CYRIB: variants seen among roughly 807,000 people sequenced by gnomAD.
CYRIB encodes the protein CYFIP related Rac1 interactor B.
CYRIB carries 8 observed loss-of-function variants against 44.2 expected under a neutral mutation model. The ratio of observed to expected loss-of-function variants is 0.18; its 90% CI spans 0.11 to 0.33. The LOEUF (loss-of-function observed/expected upper bound fraction) is 0.33. Among genes scored for constraint, CYRIB ranks in the 10% least tolerant of loss-of-function variants. The pLI, the probability that CYRIB is intolerant of heterozygous loss-of-function variation, is 1.00. For synonymous variants in CYRIB, 131 were observed against 127.2 expected (o/e 1.03, Z -0.20); for missense variants, 185 against 382.8 (o/e 0.48, Z 4.31).
At chr8:129,944,774 C>CTCA (rs1467215378), upstream of CYRIB, among the ~76,000 whole-genome samples, 1 of 151,006 alleles carries the variant, frequency 6.6e-6, no homozygotes, top group Non-Finnish European at 1.5e-5. Context: ...CGCAGTAAGA[C>CTCA]TCTGTCTCAA....
chr8:129,895,140 G>T (rs1588970316), intron 2 of CYRIB, among the ~76,000 whole-genome samples: 1 of 120,030 alleles, frequency 8.3e-6, no homozygotes, highest in Non-Finnish European at 1.8e-5. Flanking sequence ...GGGTGGGGGT[G>T]GGGGCAGGGG....
At chr8:129,864,080 G>C (rs897702818) in intron 4 of CYRIB, among the ~76,000 whole-genome samples, 2 of 152,194 alleles carry the variant, frequency 1.3e-5, no homozygotes, top group Non-Finnish European at 2.9e-5. Context: ...CAAATTAGCT[G>C]CAAACTGAAT....
At chr8:129,930,386 T>TATATATATA (rs1338007307) in intron 1 of CYRIB, among the ~76,000 whole-genome samples, 79 of 130,762 alleles carry the variant, frequency 6.0e-4, no homozygotes, top group Non-Finnish European at 9.7e-4. Context: ...TATATTTTAA[T>TATATATATA]TATTTAAATC....
chr8:130,002,872 A>G (rs1415541363), intron 1 of CYRIB, among the ~76,000 whole-genome samples: 2 of 152,194 alleles, frequency 1.3e-5, no homozygotes, highest in Non-Finnish European at 2.9e-5. Context: ...CCAAGCGAGG[A>G]GGGTGGCTTG....
intron 1 of CYRIB, among the ~76,000 whole-genome samples, chr8:130,012,988 T>C (rs969911028): frequency 6.6e-6 from 1 of 152,104 alleles, no homozygotes; most frequent in Non-Finnish European, 1.5e-5. Flanking sequence ...AGTATCCCCT[T>C]TAGGGAAGAG....
intron 2 of CYRIB, among the ~76,000 whole-genome samples, chr8:129,969,977 G>C (rs765767758): frequency 5.9e-5 from 9 of 152,200 alleles, no homozygotes; most frequent in Non-Finnish European, 1.2e-4. Context: ...CAAGGTGGAA[G>C]CATGAATCTA....
In CYRIB at chr8:129,919,899, C is replaced by T. The variant is rs542427088; in HGVS notation, c.-49-16549G>A. Reference sequence around the variant, plus strand: ...CAACTCCAAGAATTCAGAAGAACACCGGGTAAGATTTTTCAGTCCTAATAA... The same window carrying T: ...CAACTCCAAGAATTCAGAAGAACACTGGGTAAGATTTTTCAGTCCTAATAA... On this transcript the variant is annotated intron_variant, in intron 1 of 11. Transcript: ENST00000519824. 1.6e-4 allele frequency among the ~76,000 whole-genome samples: 25 copies of T among 152,040 alleles called. No individual in the cohort carries two copies. In the South Asian group the frequency reaches 5.0e-3, roughly 30 times the overall value.
chr8:129,904,232 G>A lies in CYRIB; in HGVS notation c.-49-882C>T, dbSNP rs182539173. Among the ~76,000 whole-genome samples, 428 of 152,198 alleles carry A rather than the reference G, an allele frequency of 2.8e-3. 2 individuals are homozygous for A. Among genetic ancestry groups the A allele is most frequent in the Admixed American group, 0.022 (342 of 15,278 alleles). On this transcript the variant is annotated intron_variant, in intron 1 of 11. Transcript: ENST00000519824. ...CACTCTAGCTGAGGTACCTCCTCCT[G>A]ATTGTACTATCTGTGGTTCACTTTC...
chr8:129,939,374 G>A (rs965095131), intron 1 of CYRIB, among the ~76,000 whole-genome samples: 2 of 151,618 alleles, frequency 1.3e-5, no homozygotes, highest in South Asian at 2.1e-4. Flanking sequence ...GGGGGCGGAA[G>A]AAAGGAAGAC....
intron 1 of CYRIB, among the ~76,000 whole-genome samples, chr8:129,909,903 C>T (rs1211157061): frequency 1.3e-5 from 2 of 152,172 alleles, no homozygotes; most frequent in African/African-American, 4.8e-5. Context: ...CATACCTAAG[C>T]CAGTGCCAGG....
chr8:129,937,710 C>T (rs1347170301), intron 1 of CYRIB, among the ~76,000 whole-genome samples: 1 of 152,210 alleles, frequency 6.6e-6, no homozygotes. Context: ...CAACCACTTT[C>T]TTGGGAGACA....
Position 129,852,284 on chromosome 8 carries a change from G to A in CYRIB, c.517-6C>T. ...ACTTCATTTTCTCCTTCTGCCTGTG[G>A]GGAAGGTAAAAGCACTGGATGTTAG... On this transcript the variant is annotated splice_polypyrimidine_tract_variant and splice_region_variant and intron_variant, in intron 7 of 11. Coordinates refer to ENST00000519824, the Ensembl canonical transcript of CYRIB. 2 of 1,521,924 alleles carry A rather than the reference G, an allele frequency of 1.3e-6. No individual in the cohort carries two copies. Among genetic ancestry groups the A allele is most frequent in the Non-Finnish European group, 1.8e-6 (2 of 1,126,632 alleles). The allele number at this position is 1,521,924 out of a possible 1,614,324, so 94.3% of individuals were successfully genotyped here.
At chr8:129,856,676 T>C (rs1349834559) in intron 5 of CYRIB, among the ~76,000 whole-genome samples, 2 of 152,250 alleles carry the variant, frequency 1.3e-5, no homozygotes, top group African/African-American at 4.8e-5. Flanking sequence ...CCAGTTTTCC[T>C]ATTTATGAAG....
chr8:129,908,343 G>GA (rs891123755), intron 1 of CYRIB, among the ~76,000 whole-genome samples: 17 of 151,926 alleles, frequency 1.1e-4, no homozygotes, highest in Admixed American at 1.1e-3. Context: ...AATAAATTAT[G>GA]AAAAAAATGT....
chr8:129,948,727 C>G (rs1302515897), intron 2 of CYRIB: 1 of 152,266 alleles, frequency 6.6e-6, no homozygotes, highest in African/African-American at 2.4e-5. Context: ...TTCCACCCAC[C>G]TTACATAGCA....
intron 1 of CYRIB, among the ~76,000 whole-genome samples, chr8:129,998,954 G>A (rs2096844897): frequency 6.6e-6 from 1 of 152,160 alleles, no homozygotes; most frequent in Admixed American, 6.5e-5. Flanking sequence ...TCAATGCTAA[G>A]TAGAACAGAG....
At chr8:129,854,453 G>A in intron 6 of CYRIB, 110 bp from the exon 9 acceptor site, 1 of 729,772 alleles carries the variant, frequency 1.4e-6, no homozygotes, top group South Asian at 1.9e-5. Context: ...ATAATTCATA[G>A]TATCATTTTA....
chr8:129,874,527 G>A (rs922485145), intron 3 of CYRIB, among the ~76,000 whole-genome samples: 3 of 151,954 alleles, frequency 2.0e-5, no homozygotes, highest in South Asian at 2.1e-4. Flanking sequence ...ATAAACCTAC[G>A]CAATCTATCT....
Position 129,937,152 on chromosome 8 carries a change from T to C in CYRIB, c.-50+2456A>G, listed in dbSNP as rs140300665. Among the ~76,000 whole-genome samples, 82 of 152,366 alleles carry C rather than the reference T, an allele frequency of 5.4e-4. No individual in the cohort carries two copies. In the South Asian group the frequency reaches 0.01, roughly 19 times the overall value. ...TTGCCATTAACTCAATTGTTCAAAA[T>C]ATAATTATTGAGTATCCACTATGCA... is the stretch of plus-strand genomic sequence containing the variant. On this transcript the variant is annotated intron_variant, in intron 1 of 11. Transcript: ENST00000519824.
Sources: allele counts gnomAD v4.1 joint callset (sites outside exome capture counted in the v4.1 genomes callset), GRCh38; gene constraint gnomAD v4.1.1; transcripts MANE v1.5; gene names NCBI Gene and HGNC (gene_info 2026-07-23, HGNC 2026-07-21).